Variants in RSU1 observed in about 807,000 individuals in gnomAD.
The protein encoded by RSU1 is rsu-1.
RSU1 carries 26 observed loss-of-function variants against 31.1 expected under a neutral mutation model. That is an observed-to-expected ratio of 0.84 (90% CI 0.61 to 1.16). The LOEUF (loss-of-function observed/expected upper bound fraction) is 1.16. Ranked by LOEUF, RSU1 falls within the 50% of genes most tolerant of loss-of-function variation. The pLI is 0.00. For synonymous variants in RSU1, 164 were observed against 136.3 expected (o/e 1.20, Z -1.41); for missense variants, 320 against 339.1 (o/e 0.94, Z 0.44).
At chr10:16,744,065 G>C (rs1019532058) in intron 7 of RSU1, among the ~76,000 whole-genome samples, 1 of 151,694 alleles carries the variant, frequency 6.6e-6, no homozygotes, top group Non-Finnish European at 1.5e-5. Context: ...AGAAGGTCAA[G>C]GTTGTAGTGA....
chr10:16,714,205 G>C (rs999451980), intron 7 of RSU1, among the ~76,000 whole-genome samples: 4 of 152,328 alleles, frequency 2.6e-5, no homozygotes, highest in Middle Eastern at 3.4e-3. Flanking sequence ...TCTTCAAGAG[G>C]ATGGATGAAG....
In RSU1 at chr10:16,591,967, T is replaced by C. The variant is rs986244282; in HGVS notation, c.*1427A>G. 4 of 152,184 alleles carry C rather than the reference T, an allele frequency of 2.6e-5. No homozygotes were observed. The highest frequency in any genetic ancestry group is 5.9e-5 in the Non-Finnish European group (4 of 68,038). The allele number at this position is 152,184 out of a possible 1,614,324, so 9.4% of individuals were successfully genotyped here. A position where few individuals can be genotyped will look rare whatever the true frequency, so the allele number is the denominator to read the frequency against. On this transcript the variant is annotated 3_prime_UTR_variant, in exon 9 of 9. Transcript: ENST00000345264. ...CACATTTAAATGTTCTATCAGGAAT[T>C]TGTCTAGAAGCCAGAAGTTTAGACC...
chr10:16,696,606 A>G (rs1240167846), intron 7 of RSU1, among the ~76,000 whole-genome samples: 4 of 152,252 alleles, frequency 2.6e-5, no homozygotes, highest in African/African-American at 7.2e-5. Context: ...GCTTGGTACA[A>G]AAATAAGCAG....
intron 2 of RSU1, among the ~76,000 whole-genome samples, chr10:16,797,862 T>C (rs111452782): frequency 1.6e-4 from 16 of 98,988 alleles, no homozygotes; most frequent in African/African-American, 4.4e-4. Context: ...TCTTCTTTTT[T>C]TTTTTTTTTT....
chr10:16,745,525 C>T (rs1836833759), intron 7 of RSU1, among the ~76,000 whole-genome samples: 1 of 152,160 alleles, frequency 6.6e-6, no homozygotes, highest in Admixed American at 6.5e-5. Flanking sequence ...TCACATCTTA[C>T]ATGAATGGCA....
At chr10:16,618,907 T>C (rs530935676) in intron 8 of RSU1, among the ~76,000 whole-genome samples, 53 of 152,272 alleles carry the variant, frequency 3.5e-4, no homozygotes, top group African/African-American at 1.3e-3. Flanking sequence ...TGATGGTTCA[T>C]AGGTGTGGCA....
At chr10:16,634,739 G>T (rs993962891) in intron 8 of RSU1, among the ~76,000 whole-genome samples, 9 of 152,110 alleles carry the variant, frequency 5.9e-5, no homozygotes, top group African/African-American at 1.9e-4. Context: ...GACCTTACAG[G>T]TCACCCAGTT....
intron 7 of RSU1, among the ~76,000 whole-genome samples, chr10:16,702,320 G>T (rs557626479): frequency 6.6e-6 from 1 of 152,222 alleles, no homozygotes; most frequent in Non-Finnish European, 1.5e-5. Context: ...GCCTTACTGG[G>T]GCTATCAGTG....
At chr10:16,679,989 C>T (rs1835300126) in intron 8 of RSU1, among the ~76,000 whole-genome samples, 2 of 150,106 alleles carry the variant, frequency 1.3e-5, no homozygotes, top group African/African-American at 2.5e-5. Flanking sequence ...TCAAGCGATT[C>T]TCCAGCCTCA....
chr10:16,744,146 G>C (rs60871885), intron 7 of RSU1, among the ~76,000 whole-genome samples: 1 of 147,378 alleles, frequency 6.8e-6, no homozygotes, highest in East Asian at 2.0e-4. Flanking sequence ...AAAAAAAAAA[G>C]AAAGAAAGAA....
intron 8 of RSU1, among the ~76,000 whole-genome samples, chr10:16,651,120 G>A (rs759409930): frequency 6.6e-6 from 1 of 152,042 alleles, no homozygotes; most frequent in Non-Finnish European, 1.5e-5. Flanking sequence ...AACTTTAAAT[G>A]CCATATGCAT....
chr10:16,784,209 G>A (rs1837720488), intron 2 of RSU1, among the ~76,000 whole-genome samples: 1 of 151,698 alleles, frequency 6.6e-6, no homozygotes, highest in Non-Finnish European at 1.5e-5. Context: ...AGACTCCCAA[G>A]CAACTGAGAC....
intron 8 of RSU1, among the ~76,000 whole-genome samples, chr10:16,658,316 T>C (rs1705636087): frequency 6.6e-6 from 1 of 152,232 alleles, no homozygotes; most frequent in African/African-American, 2.4e-5. Context: ...ACAAAACTGG[T>C]ATCCATCTGG....
At chr10:16,751,458 T>G (rs1156229006) in intron 7 of RSU1, among the ~76,000 whole-genome samples, 1 of 152,142 alleles carries the variant, frequency 6.6e-6, no homozygotes, top group Non-Finnish European at 1.5e-5. Flanking sequence ...CCAACAGAAC[T>G]CAAGGTGCTG....
chr10:16,745,613 C>A (rs564006828), intron 7 of RSU1, among the ~76,000 whole-genome samples: 1 of 149,040 alleles, frequency 6.7e-6, no homozygotes, highest in East Asian at 2.0e-4. Flanking sequence ...TTCAGTATCA[C>A]AAGAACGGCA....
At chr10:16,644,825 A>C (rs371036374) in intron 8 of RSU1, among the ~76,000 whole-genome samples, 68 of 152,348 alleles carry the variant, frequency 4.5e-4, no homozygotes, top group African/African-American at 1.5e-3. Flanking sequence ...TGACAGGTTA[A>C]ATTACATTTA....
At chr10:16,782,230 T>TTA (rs1428212655) in intron 2 of RSU1, 146 bp from the exon 3 acceptor site, 1 of 628,452 alleles carries the variant, frequency 1.6e-6, no homozygotes, top group African/African-American at 1.8e-5. Context: ...AGGATTCATG[T>TTA]AACACGATCT....
chr10:16,806,150 G>C (rs1838263070), intron 2 of RSU1, among the ~76,000 whole-genome samples: 2 of 152,170 alleles, frequency 1.3e-5, no homozygotes, highest in South Asian at 4.1e-4. Context: ...GGAAGATGAA[G>C]GTTCCTGTTT....
At chr10:16,731,117 T>C (rs953161900) in intron 7 of RSU1, among the ~76,000 whole-genome samples, 1 of 152,172 alleles carries the variant, frequency 6.6e-6, no homozygotes, top group African/African-American at 2.4e-5. Flanking sequence ...CCCGGCCTTG[T>C]AAATGCAATC....
Sources: allele counts gnomAD v4.1 joint callset (sites outside exome capture counted in the v4.1 genomes callset), GRCh38; gene constraint gnomAD v4.1.1; transcripts MANE v1.5; gene names NCBI Gene and HGNC (gene_info 2026-07-23, HGNC 2026-07-21).